Variants in UBR2 observed in about 807,000 individuals in gnomAD.
The protein encoded by UBR2 is E3 ubiquitin-protein ligase UBR2.
A neutral mutation model predicts 247.9 loss-of-function variants in UBR2; 92 were observed. That is an observed-to-expected ratio of 0.37 (90% CI 0.31 to 0.44). The LOEUF (loss-of-function observed/expected upper bound fraction) is 0.44. Ranked by LOEUF, UBR2 falls within the 20% of genes least tolerant of loss-of-function variation. The pLI, the probability that UBR2 is intolerant of heterozygous loss-of-function variation, is 1.00. For synonymous variants in UBR2, 672 were observed against 693.5 expected (o/e 0.97, Z 0.49); for missense variants, 1,613 against 2,112.6 (o/e 0.76, Z 4.64).
intron 2 of UBR2, 140 bp from the exon 3 acceptor site, chr6:42,592,011 G>A (rs1582472718): frequency 1.3e-6 from 1 of 747,358 alleles, no homozygotes; most frequent in East Asian, 2.8e-5. Flanking sequence ...ACAGATCTTT[G>A]GGAATGATAC....
intron 11 of UBR2, among the ~76,000 whole-genome samples, chr6:42,623,422 C>A (rs957554408): frequency 2.0e-5 from 3 of 152,144 alleles, no homozygotes; most frequent in African/African-American, 4.8e-5. Flanking sequence ...TAGGCATGCA[C>A]CACTGAGCCC....
intron 26 of UBR2, among the ~76,000 whole-genome samples, chr6:42,657,342 A>T (rs186412662): frequency 3.9e-5 from 6 of 152,144 alleles, no homozygotes; most frequent in Non-Finnish European, 8.8e-5. Context: ...GACATTCTAC[A>T]TAATTAAGAC....
At chr6:42,586,634 AT>A (rs1312026307) in intron 2 of UBR2, among the ~76,000 whole-genome samples, 11 of 100,682 alleles carry the variant, frequency 1.1e-4, no homozygotes, top group African/African-American at 4.3e-4. Flanking sequence ...CGTTTTGATT[AT>A]TTTTTTGGCT....
In UBR2 at chr6:42,564,287, C is replaced by T. The variant is rs752578667; in HGVS notation, c.-33C>T. Reference sequence around the variant, plus strand: ...CGAGGTGAGGCTGCAGCTCTCCGGGCGGCGGTAGCGCTGGGGAGGAGGAGG... The same window carrying T: ...CGAGGTGAGGCTGCAGCTCTCCGGGTGGCGGTAGCGCTGGGGAGGAGGAGG... On this transcript the variant is annotated 5_prime_UTR_variant, in exon 1 of 47. Transcript: ENST00000372901. The T allele has an allele frequency of 5.6e-6, 9 of 1,593,536 alleles. No individual in the cohort carries two copies. Among genetic ancestry groups the T allele is most frequent in the Non-Finnish European group, 7.7e-6 (9 of 1,171,452 alleles).
chr6:42,596,542 C>T (rs940388265), intron 4 of UBR2, among the ~76,000 whole-genome samples: 4 of 152,080 alleles, frequency 2.6e-5, no homozygotes, highest in Non-Finnish European at 5.9e-5. Context: ...CATGTTGTAG[C>T]AATGTTGTTC....
In UBR2 at chr6:42,576,373, T is replaced by C. The variant is rs557102607; in HGVS notation, c.338+2380T>C. Reference sequence around the variant, plus strand: ...CCTTCTCTGACAAGAGAAAACCTGATTCTCATTTTCCTCAAAATATTTGCT... The same window carrying C: ...CCTTCTCTGACAAGAGAAAACCTGACTCTCATTTTCCTCAAAATATTTGCT... On this transcript the variant is annotated intron_variant, in intron 2 of 46. Transcript: ENST00000372901. Among the ~76,000 whole-genome samples, 3 of 152,238 alleles carry C rather than the reference T, an allele frequency of 2.0e-5. No individual in the cohort carries two copies. In the East Asian group the frequency reaches 5.8e-4, roughly 29 times the overall value.
chr6:42,571,730 G>A (rs922353084), intron 1 of UBR2, among the ~76,000 whole-genome samples: 59 of 108,824 alleles, frequency 5.4e-4, no homozygotes, highest in Non-Finnish European at 8.9e-4. Context: ...GCGACAGCAC[G>A]AGACTCAAAA....
intron 34 of UBR2, among the ~76,000 whole-genome samples, chr6:42,667,868 C>G (rs1798212433): frequency 6.6e-6 from 1 of 151,218 alleles, no homozygotes; most frequent in African/African-American, 2.4e-5. Context: ...AAACAATTCT[C>G]CTGCCTCAGC....
chr6:42,586,486 T>C (rs1792270364), intron 2 of UBR2, among the ~76,000 whole-genome samples: 1 of 151,662 alleles, frequency 6.6e-6, no homozygotes, highest in Non-Finnish European at 1.5e-5. Context: ...TAATTATTAA[T>C]GTATTTGTTG....
At chr6:42,599,874 G>A (rs1000861583) in intron 4 of UBR2, among the ~76,000 whole-genome samples, 26 of 152,136 alleles carry the variant, frequency 1.7e-4, no homozygotes, top group African/African-American at 6.0e-4. Flanking sequence ...GGGATTACAA[G>A]TGTGAGCCAC....
chr6:42,664,416 G>T (rs1797996325), intron 32 of UBR2: 2 of 152,158 alleles, frequency 1.3e-5, no homozygotes, highest in Admixed American at 1.3e-4. Context: ...TCTGCTTTTC[G>T]AATCTGAACT....
At chr6:42,605,973 C>A in intron 6 of UBR2, 114 bp downstream of exon 6, 1 of 982,764 alleles carries the variant, frequency 1.0e-6, no homozygotes, top group East Asian at 2.8e-5. Flanking sequence ...CTTAAAATTT[C>A]ATTTGTCATG....
Position 42,688,284 on chromosome 6 carries a change from G to A in UBR2, c.4922G>A (p.Cys1641Tyr), listed in dbSNP as rs1244036144. 6.2e-7 allele frequency: 1 copy of A among 1,614,094 alleles called. No homozygotes were observed. Residue 1641 changes from cysteine (C) to tyrosine (Y), a missense_variant, in exon 45 of 47, where the codon TGC becomes TAC. Physicochemically the swap from Cys to Tyr is radical, Grantham distance 194. This residue lies in a region of UBR2 where 9 missense variants were observed against 36.8 expected (regional missense o/e 0.24). Coordinates refer to ENST00000372901, the MANE Select transcript of UBR2 (RefSeq NM_001363705.2). ...TLCLVCGSLL[C>Y]SQSYCCQTEL... ...TGCCTTGTGTGCGGATCTCTGCTGT[G>A]CTCCCAGAGTTACTGCTGCCAGACT...
chr6:42,633,157 A>G (rs939130298), intron 13 of UBR2, among the ~76,000 whole-genome samples: 1 of 143,222 alleles, frequency 7.0e-6, no homozygotes, highest in Non-Finnish European at 1.5e-5. Context: ...GCCCAGGCCC[A>G]GCTTCTTTGT....
intron 1 of UBR2, among the ~76,000 whole-genome samples, chr6:42,566,385 A>AC (rs1790778463): frequency 6.6e-6 from 1 of 151,952 alleles, no homozygotes; most frequent in Non-Finnish European, 1.5e-5. Context: ...TACCCTGTTT[A>AC]CTTTTTTTGT....
At chr6:42,595,771 A>G (rs1277359906) in intron 4 of UBR2, among the ~76,000 whole-genome samples, 1 of 151,972 alleles carries the variant, frequency 6.6e-6, no homozygotes, top group Non-Finnish European at 1.5e-5. Context: ...CAGGTCTCAA[A>G]TATATTTTAT....
At chr6:42,570,842 C>G (rs1791079053) in intron 1 of UBR2, among the ~76,000 whole-genome samples, 1 of 151,868 alleles carries the variant, frequency 6.6e-6, no homozygotes, top group Non-Finnish European at 1.5e-5. Context: ...CACCACCATG[C>G]CCAGCTAATC....
chr6:42,606,224 C>T (rs1793690213), intron 6 of UBR2, among the ~76,000 whole-genome samples: 3 of 148,532 alleles, frequency 2.0e-5, no homozygotes, highest in Non-Finnish European at 4.4e-5. Context: ...GCCTGGGCGA[C>T]AAAGCGAGAC....
Position 42,676,058 on chromosome 6 carries a change from G to C in UBR2, c.4254G>C (p.Val1418=). ...GATGTCCTGTGTTTGGTGCCTAGGT[G>C]GGCTTGGTGCTTGCATTTCCTGCGT... ...ILDIDMFHLL[V]GLVLAFPALQ... The change falls in exon 39 of 47, where the codon GTG becomes GTC. Residue 1418 remains valine (V), a splice_region_variant and synonymous_variant. Coordinates refer to ENST00000372901, the MANE Select transcript of UBR2 (RefSeq NM_001363705.2). 1 of 1,610,054 alleles carries C rather than the reference G, an allele frequency of 6.2e-7. No homozygotes were observed. Among genetic ancestry groups the C allele is most frequent in the South Asian group, 1.1e-5 (1 of 90,274 alleles).
Sources: allele counts gnomAD v4.1 joint callset (sites outside exome capture counted in the v4.1 genomes callset), GRCh38; gene constraint gnomAD v4.1.1; regional missense constraint gnomAD v4.1.1; transcripts MANE v1.5; gene names NCBI Gene and HGNC (gene_info 2026-07-23, HGNC 2026-07-21).